MAGI3: variants seen among roughly 807,000 people sequenced by gnomAD.
The protein encoded by MAGI3 is membrane-associated guanylate kinase, WW and PDZ domain-containing protein 3.
A neutral mutation model predicts 121.8 loss-of-function variants in MAGI3; 43 were observed. The ratio of observed to expected loss-of-function variants is 0.35; its 90% CI spans 0.28 to 0.46. The LOEUF is 0.46. MAGI3 is among the 20% of genes least tolerant of loss of function. The pLI is 1.00. For missense variants in MAGI3, 1,547 were observed against 1,797.3 expected (o/e 0.86, Z 2.52); for synonymous variants, 553 against 639.3 (o/e 0.86, Z 2.04).
At chr1:113,562,862 A>G (rs1313820552) in intron 2 of MAGI3, among the ~76,000 whole-genome samples, 2 of 152,238 alleles carry the variant, frequency 1.3e-5, no homozygotes, top group Non-Finnish European at 2.9e-5. Flanking sequence ...AGAAAACTTT[A>G]GGCCCAGGTG....
At chr1:113,653,489 G>A (rs1033923743) in intron 14 of MAGI3, among the ~76,000 whole-genome samples, 1 of 151,814 alleles carries the variant, frequency 6.6e-6, no homozygotes, top group African/African-American at 2.4e-5. Flanking sequence ...GGAGAATGGC[G>A]TGAACCCAGG....
At chr1:113,450,584 A>G in intron 1 of MAGI3, 1 of 1,075,874 alleles carries the variant, frequency 9.3e-7, no homozygotes, top group Non-Finnish European at 1.4e-6. Context: ...TGGGAACTAT[A>G]ATGATTTTGG....
chr1:113,478,393 G>C (rs943545974), intron 1 of MAGI3, among the ~76,000 whole-genome samples: 1 of 152,100 alleles, frequency 6.6e-6, no homozygotes, highest in African/African-American at 2.4e-5. Flanking sequence ...TTTGATGTTG[G>C]TGACCTACAG....
chr1:113,396,411 A>G (rs966805352), intron 1 of MAGI3, among the ~76,000 whole-genome samples: 1 of 151,770 alleles, frequency 6.6e-6, no homozygotes, highest in African/African-American at 2.4e-5. Context: ...TTGAGCAATA[A>G]TTTTCTTGAA....
At chr1:113,415,851 G>A (rs750178896) in intron 1 of MAGI3, among the ~76,000 whole-genome samples, 6 of 151,802 alleles carry the variant, frequency 4.0e-5, no homozygotes, top group Non-Finnish European at 5.9e-5. Flanking sequence ...AAATGAGTGC[G>A]TTTTATATTT....
chr1:113,675,372 G>T (rs1015168902), intron 19 of MAGI3, among the ~76,000 whole-genome samples: 3 of 152,230 alleles, frequency 2.0e-5, no homozygotes, highest in Non-Finnish European at 4.4e-5. Context: ...AAAAGGAAGA[G>T]TAAAGGATGA....
intron 1 of MAGI3, among the ~76,000 whole-genome samples, chr1:113,477,174 T>C (rs1655872569): frequency 6.6e-6 from 1 of 152,214 alleles, no homozygotes; most frequent in East Asian, 1.9e-4. Flanking sequence ...TCTTGACTCT[T>C]TATCGAATTT....
At chr1:113,478,589 A>G (rs1655963816) in intron 1 of MAGI3, among the ~76,000 whole-genome samples, 1 of 152,178 alleles carries the variant, frequency 6.6e-6, no homozygotes, top group Admixed American at 6.5e-5. Flanking sequence ...CACAACAGCC[A>G]ATATTGCTGC....
chr1:113,487,963 C>T (rs1656470026), intron 1 of MAGI3, among the ~76,000 whole-genome samples: 1 of 152,080 alleles, frequency 6.6e-6, no homozygotes, highest in South Asian at 2.1e-4. Flanking sequence ...TTTGTAGGAA[C>T]AAGCAACTGT....
chr1:113,595,108 T>C (rs1350604820), intron 6 of MAGI3, among the ~76,000 whole-genome samples: 2 of 152,294 alleles, frequency 1.3e-5, no homozygotes, highest in East Asian at 3.9e-4. Context: ...ATAATAGCAC[T>C]TATCTGTCCT....
chr1:113,604,991 T>C (rs913145663), intron 6 of MAGI3, among the ~76,000 whole-genome samples: 2 of 149,884 alleles, frequency 1.3e-5, no homozygotes, highest in Non-Finnish European at 1.5e-5. Context: ...ATATAATATA[T>C]GTAATATTAT....
At chr1:113,527,136 A>G (rs1161508910) in intron 1 of MAGI3, among the ~76,000 whole-genome samples, 3 of 152,112 alleles carry the variant, frequency 2.0e-5, no homozygotes, top group Non-Finnish European at 4.4e-5. Flanking sequence ...TAATATTATT[A>G]TTACTGATTT....
intron 1 of MAGI3, among the ~76,000 whole-genome samples, chr1:113,428,636 G>T (rs1245053419): frequency 6.6e-6 from 1 of 152,186 alleles, no homozygotes; most frequent in Non-Finnish European, 1.5e-5. Context: ...ATGTTTTATT[G>T]AGCCCTACCT....
chr1:113,553,650 T>C (rs1272047254), intron 2 of MAGI3, among the ~76,000 whole-genome samples: 1 of 152,116 alleles, frequency 6.6e-6, no homozygotes, highest in African/African-American at 2.4e-5. Flanking sequence ...ATCAAGTGAA[T>C]ATGCATGCAA....
At chr1:113,397,648 T>C (rs1305301759) in intron 1 of MAGI3, among the ~76,000 whole-genome samples, 1 of 152,198 alleles carries the variant, frequency 6.6e-6, no homozygotes, top group East Asian at 1.9e-4. Context: ...AGAGGGAAGA[T>C]CATATTAATT....
At chr1:113,610,698 A>G (rs1374547295) in intron 6 of MAGI3, among the ~76,000 whole-genome samples, 1 of 151,942 alleles carries the variant, frequency 6.6e-6, no homozygotes, top group Non-Finnish European at 1.5e-5. Context: ...ACTTTTAAAA[A>G]CCTGCCATTC....
chr1:113,648,795 AT>A (rs891639292), intron 12 of MAGI3, among the ~76,000 whole-genome samples: 5 of 152,216 alleles, frequency 3.3e-5, no homozygotes, highest in African/African-American at 1.2e-4. Flanking sequence ...AGAGAAAGGT[AT>A]TAGCTTGAGA....
chr1:113,676,730 G>A (rs533785878), intron 19 of MAGI3, among the ~76,000 whole-genome samples: 5 of 152,028 alleles, frequency 3.3e-5, no homozygotes, highest in Admixed American at 6.5e-5. Context: ...CTCGCACCAC[G>A]GAGCCACCTG....
intron 1 of MAGI3, among the ~76,000 whole-genome samples, chr1:113,454,401 G>A (rs1195319894): frequency 6.6e-6 from 1 of 152,222 alleles, no homozygotes; most frequent in East Asian, 1.9e-4. Flanking sequence ...ATTTCACTTA[G>A]TAGCTGTGTG....
Sources: gnomAD v4.1 joint callset for allele counts (sites outside exome capture counted in the v4.1 genomes callset) on GRCh38, gnomAD v4.1.1 for gene constraint, MANE v1.5 for transcripts, NCBI Gene and HGNC (gene_info 2026-07-23, HGNC 2026-07-21) for gene names.